Variants in SCHIP1 observed in about 807,000 individuals in gnomAD.
The protein encoded by SCHIP1 is schwannomin interacting protein 1.
In SCHIP1, 8 loss-of-function variants were observed where a neutral mutation model predicts 29.7. The observed-to-expected ratio is 0.27, with a 90% CI of 0.16 to 0.49. The LOEUF is 0.49. SCHIP1 is among the 20% of genes least tolerant of loss of function. SCHIP1 has a pLI of 0.99. For synonymous variants in SCHIP1, 76 were observed against 94.9 expected (o/e 0.80, Z 1.16); for missense variants, 193 against 294.6 (o/e 0.66, Z 2.52).
chr3:159,695,021 C>T, the SCHIP1 span, among the ~76,000 whole-genome samples: 1 of 152,190 alleles, frequency 6.6e-6, no homozygotes, highest in African/African-American at 2.4e-5. Context: ...GAGCTTCTTG[C>T]TCCAGTGTTT....
chr3:159,486,385 G>A, the SCHIP1 span, among the ~76,000 whole-genome samples: 1 of 152,144 alleles, frequency 6.6e-6, no homozygotes, highest in Admixed American at 6.5e-5. Context: ...AATTGTAAAT[G>A]AGACCATGCA....
chr3:159,362,111 C>G, the SCHIP1 span, among the ~76,000 whole-genome samples: 1 of 152,042 alleles, frequency 6.6e-6, no homozygotes, highest in South Asian at 2.1e-4. Context: ...TAGCCTGGAG[C>G]CTTCCAACAT....
At chr3:159,676,217 C>A in the SCHIP1 span, among the ~76,000 whole-genome samples, 10 of 152,272 alleles carry the variant, frequency 6.6e-5, no homozygotes, top group Non-Finnish European at 1.2e-4. Flanking sequence ...CTTTACAGTT[C>A]TTTTCAAAAA....
intron 1 of SCHIP1, among the ~76,000 whole-genome samples, chr3:159,862,952 T>G (rs1463679937): frequency 6.6e-6 from 1 of 152,178 alleles, no homozygotes; most frequent in Non-Finnish European, 1.5e-5. Flanking sequence ...GTCAAGAGCC[T>G]CAACAAATGT....
the SCHIP1 span, among the ~76,000 whole-genome samples, chr3:159,806,984 T>G: frequency 6.6e-6 from 1 of 152,254 alleles, no homozygotes; most frequent in South Asian, 2.1e-4. Flanking sequence ...CTTAATTATG[T>G]AAACTAAATG....
the SCHIP1 span, among the ~76,000 whole-genome samples, chr3:159,794,187 C>T: frequency 6.6e-6 from 1 of 152,176 alleles, no homozygotes; most frequent in African/African-American, 2.4e-5. Flanking sequence ...CAAATCCATA[C>T]TTTTTCTCAT....
the SCHIP1 span, among the ~76,000 whole-genome samples, chr3:159,750,263 GTATATATATATATA>G: frequency 5.8e-3 from 145 of 25,100 alleles, no homozygotes; most frequent in Non-Finnish European, 9.1e-3. Context: ...ATGTGTGTGT[GTATATATATATATA>G]TATATATATA....
chr3:159,367,670 T>A, the SCHIP1 span, among the ~76,000 whole-genome samples: 1 of 152,172 alleles, frequency 6.6e-6, no homozygotes, highest in African/African-American at 2.4e-5. Context: ...ATACAATTTA[T>A]CCATACATCA....
the SCHIP1 span, chr3:159,273,526 T>A: frequency 8.5e-7 from 1 of 1,182,206 alleles, no homozygotes; most frequent in Non-Finnish European, 1.0e-6. Flanking sequence ...GTCTTCTCTG[T>A]GTGTTTTATC....
chr3:159,710,191 T>C, the SCHIP1 span, among the ~76,000 whole-genome samples: 333 of 152,294 alleles, frequency 2.2e-3, 1 homozygote, highest in African/African-American at 7.7e-3. Flanking sequence ...CCAACCTAAG[T>C]GACCATCCAC....
At chr3:159,732,808 T>C in the SCHIP1 span, among the ~76,000 whole-genome samples, 1 of 152,224 alleles carries the variant, frequency 6.6e-6, no homozygotes, top group African/African-American at 2.4e-5. Context: ...GAAATACTGC[T>C]TCTGCAAGTG....
the SCHIP1 span, among the ~76,000 whole-genome samples, chr3:159,576,142 G>A: frequency 6.6e-6 from 1 of 152,116 alleles, no homozygotes; most frequent in African/African-American, 2.4e-5. Context: ...AATGATAAAT[G>A]TTTGAGGTGA....
chr3:159,815,484 A>G, the SCHIP1 span, among the ~76,000 whole-genome samples: 4 of 152,160 alleles, frequency 2.6e-5, no homozygotes, highest in East Asian at 5.8e-4. Context: ...GGATGAAATG[A>G]TATGTTGAAA....
chr3:159,568,224 A>G, the SCHIP1 span, among the ~76,000 whole-genome samples: 2 of 152,104 alleles, frequency 1.3e-5, no homozygotes, highest in African/African-American at 4.8e-5. Context: ...TCTATGCTGT[A>G]AAACATATCA....
chr3:159,340,423 AATT>A, the SCHIP1 span, among the ~76,000 whole-genome samples: 3 of 152,102 alleles, frequency 2.0e-5, no homozygotes, highest in African/African-American at 7.2e-5. Context: ...TACTACATAT[AATT>A]ATGATTATTA....
At chr3:159,292,827 G>A in the SCHIP1 span, among the ~76,000 whole-genome samples, 14 of 152,206 alleles carry the variant, frequency 9.2e-5, no homozygotes, top group East Asian at 2.7e-3. Context: ...TCTGGATATT[G>A]GCATCGTACT....
At chr3:159,850,542 CA>C (rs61224003) in intron 1 of SCHIP1, among the ~76,000 whole-genome samples, 66,469 of 105,464 alleles carry the variant, frequency 0.63, 18,271 homozygotes, top group East Asian at 0.77. Context: ...GATTCCATCT[CA>C]AAAAAAAAAA....
the SCHIP1 span, among the ~76,000 whole-genome samples, chr3:159,830,317 A>G: frequency 6.6e-6 from 1 of 152,214 alleles, no homozygotes; most frequent in Non-Finnish European, 1.5e-5. Flanking sequence ...TTTTATCCTG[A>G]TAGAAACATT....
chr3:159,275,193 C>T, the SCHIP1 span: 1 of 507,344 alleles, frequency 2.0e-6, no homozygotes, highest in Non-Finnish European at 2.5e-6. Flanking sequence ...TAAAAGGCCT[C>T]AGTTTTTGAA....
Sources: allele counts gnomAD v4.1 joint callset (sites outside exome capture counted in the v4.1 genomes callset), GRCh38; gene constraint gnomAD v4.1.1; transcripts MANE v1.5; gene names NCBI Gene and HGNC (gene_info 2026-07-23, HGNC 2026-07-21).